WFDC3: variants seen among roughly 807,000 people sequenced by gnomAD.
The protein encoded by WFDC3 is WAP four-disulfide core domain protein 3.
Under a neutral mutation model 25.8 loss-of-function variants are expected in WFDC3, and 15 were observed. That is an observed-to-expected ratio of 0.58 (90% confidence interval 0.39 to 0.89). WFDC3 has a LOEUF of 0.89. WFDC3 is among the 40% of genes least tolerant of loss of function. The pLI is 0.00. For synonymous variants in WFDC3, 103 were observed against 107.1 expected (o/e 0.96, Z 0.24); for missense variants, 264 against 289.8 (o/e 0.91, Z 0.65).
chr20:45,775,023 C>G (rs1304290527), intron 6 of WFDC3, among the ~76,000 whole-genome samples: 1 of 152,096 alleles, frequency 6.6e-6, no homozygotes, highest in Non-Finnish European at 1.5e-5. Context: ...AAACATATCC[C>G]ACACATTCCC....
rs878887940 is a variant in WFDC3, at chr20:45,787,714, C to T, written c.358+122G>A. The T allele has an allele frequency of 2.6e-4, 263 of 1,025,510 alleles. 1 individual carries two copies. The South Asian group carries it at 3.2e-3, about 12-fold the overall frequency. The allele number at this position is 1,025,510 out of a possible 1,614,324, so 63.5% of individuals were successfully genotyped here. On this transcript the variant is annotated intron_variant, in intron 4 of 6. Transcript: ENST00000243938. ...TATGGCTTGTGCACCCTTTGTATAT[C>T]TTTTTTTTTTAAGGTCTTAGAATAT...
At chr20:45,777,006 C>CA (rs1980216495) in intron 5 of WFDC3, 69 bp downstream of exon 5, 1 of 1,607,558 alleles carries the variant, frequency 6.2e-7, no homozygotes, top group Admixed American at 1.7e-5. Flanking sequence ...TAGCTCCTCC[C>CA]AGGAAGGGAA....
At position 45,775,451 on chromosome 20, in the gene WFDC3, G is replaced by GGCAGAC; in HGVS notation, c.644_645insGTCTGC (p.Asn215delinsLysSerAla). On this transcript the variant is annotated protein_altering_variant, in exon 6 of 7. Coordinates refer to ENST00000243938, the MANE Select transcript of WFDC3 (RefSeq NM_080614.2). The stretch of plus-strand genomic sequence containing the variant: ...AATCAGACCTCACAGTCCAGTTGGG[G>GGCAGAC]TTCATGGTCAGTTTTGGGGGCAGGA... The GGCAGAC allele has an allele frequency of 6.2e-7, 1 of 1,614,224 alleles. No homozygotes were observed. The highest frequency in any genetic ancestry group is 8.5e-7 in the Non-Finnish European group (1 of 1,180,040).
chr20:45,784,245 TTCTC>T (rs1423622562), intron 4 of WFDC3, among the ~76,000 whole-genome samples: 1 of 152,190 alleles, frequency 6.6e-6, no homozygotes, highest in Non-Finnish European at 1.5e-5. Context: ...CAACCTTCCA[TTCTC>T]TCTAATGGGC....
At chr20:45,774,532 G>A in intron 6 of WFDC3, 88 bp from the exon 7 acceptor site, 1 of 1,582,896 alleles carries the variant, frequency 6.3e-7, no homozygotes, top group Non-Finnish European at 8.7e-7. Flanking sequence ...GGAAAGCTTG[G>A]CCTATATTGC....
At chr20:45,789,466 A>G (rs187551220) in intron 2 of WFDC3, among the ~76,000 whole-genome samples, 1 of 150,192 alleles carries the variant, frequency 6.7e-6, no homozygotes, top group East Asian at 2.0e-4. Flanking sequence ...AGATCACGCC[A>G]CTGCACTCCA....
In WFDC3 at chr20:45,788,705, G is replaced by A. The variant is rs1222720006; in HGVS notation, c.211+226C>T. The stretch of plus-strand genomic sequence containing the variant: ...CCTTCACAGGAACTTTGAGTCCAAA[G>A]TAAAAGACATAGATAATCAATGGTG... On this transcript the variant is annotated intron_variant, in intron 3 of 6. Transcript: ENST00000243938. The A allele has an allele frequency of 6.4e-6, 3 of 471,330 alleles. No homozygotes were observed. The East Asian group carries it at 1.2e-4, about 19-fold the overall frequency. 29.2% of individuals were successfully genotyped at this position (471,330 alleles called of 1,614,324 possible).
chr20:45,783,381 G>C (rs1004500176), intron 4 of WFDC3, among the ~76,000 whole-genome samples: 2 of 151,974 alleles, frequency 1.3e-5, no homozygotes, highest in Non-Finnish European at 2.9e-5. Flanking sequence ...AGGGAACTAA[G>C]GCAGAAGGAT....
Position 45,789,853 on chromosome 20 carries a change from T to C in WFDC3, c.82+41A>G, listed in dbSNP as rs1980867333. 3 of 1,582,750 alleles carry C rather than the reference T, an allele frequency of 1.9e-6. No homozygotes were observed. The East Asian group carries it at 6.7e-5, about 35-fold the overall frequency. ...ATGAGTTCTCCTCTCCTCTAGTCAC[T>C]TTCTGTTACTGTTGGCCAGGGATCC... On this transcript the variant is annotated intron_variant, in intron 2 of 6. Coordinates refer to ENST00000243938, the MANE Select transcript of WFDC3 (RefSeq NM_080614.2).
intron 4 of WFDC3, among the ~76,000 whole-genome samples, chr20:45,787,614 T>C (rs1456352428): frequency 1.3e-5 from 2 of 152,096 alleles, no homozygotes; most frequent in Non-Finnish European, 2.9e-5. Flanking sequence ...CAAAGCAGTC[T>C]GCAAATGAGG....
rs531966407 is a variant in WFDC3, at chr20:45,790,140, AG to A, written c.-7-159del. 9.5e-4 allele frequency: 541 copies of A among 570,934 alleles called. 6 individuals carry two copies. In the South Asian group the frequency reaches 0.012, roughly 12 times the overall value. The allele number at this position is 570,934 out of a possible 1,614,324, so 35.4% of individuals were successfully genotyped here. On this transcript the variant is annotated intron_variant, in intron 1 of 6. Transcript: ENST00000243938. ...AGAATATCTTCTCCTGACAAGAAGA[AG>A]AGGGATTGGCTGCTGGAGTGTGGGA...
intron 3 of WFDC3, chr20:45,788,301 T>C (rs1450746799): frequency 6.1e-6 from 1 of 165,084 alleles, no homozygotes; most frequent in East Asian, 1.7e-4. Flanking sequence ...CGAAACTCCG[T>C]CTCAAAAAAA....
chr20:45,788,739 C>T, intron 3 of WFDC3, 192 bp downstream of exon 3: 1 of 672,360 alleles, frequency 1.5e-6, no homozygotes, highest in South Asian at 2.5e-5. Flanking sequence ...TGCGCTCTTT[C>T]CTGATGGAAG....
At chr20:45,778,835 A>C (rs1980310400) in intron 4 of WFDC3, 1 of 143,536 alleles carries the variant, frequency 7.0e-6, no homozygotes, top group Non-Finnish European at 1.5e-5. Context: ...AAATAAATAA[A>C]TAATAAAATG....
At chr20:45,783,858 G>A (rs1389129934) in intron 4 of WFDC3, among the ~76,000 whole-genome samples, 2 of 152,178 alleles carry the variant, frequency 1.3e-5, no homozygotes, top group African/African-American at 4.8e-5. Flanking sequence ...TGGGTGAGTA[G>A]CCTAGCCCTC....
At chr20:45,786,779 T>C (rs760096287) in intron 4 of WFDC3, among the ~76,000 whole-genome samples, 2 of 152,040 alleles carry the variant, frequency 1.3e-5, no homozygotes, top group Non-Finnish European at 2.9e-5. Context: ...CCCCGCCGTG[T>C]GTGTACATAG....
Position 45,774,219 on chromosome 20 carries a change from C to T in WFDC3, c.*209G>A, listed in dbSNP as rs935476194. 1 of 644,868 alleles carries T rather than the reference C, an allele frequency of 1.6e-6. No homozygotes were observed. The highest frequency in any genetic ancestry group is 1.8e-5 in the African/African-American group (1 of 54,808). 39.9% of individuals were successfully genotyped at this position (644,868 alleles called of 1,614,324 possible). On this transcript the variant is annotated 3_prime_UTR_variant, in exon 7 of 7. Coordinates refer to ENST00000243938, the MANE Select transcript of WFDC3 (RefSeq NM_080614.2). ...AAATAGCACAAACAAGAGGTCAGCA[C>T]CAGCCTTTATCGGGAAAGAGAAGCA...
intron 5 of WFDC3, 147 bp from the exon 6 acceptor site, chr20:45,775,749 G>A (rs966713500): frequency 6.7e-6 from 7 of 1,043,278 alleles, no homozygotes; most frequent in African/African-American, 1.6e-5. Flanking sequence ...AAACCATGGC[G>A]CTGGAGGATC....
At chr20:45,783,235 G>A (rs1980527179) in intron 4 of WFDC3, among the ~76,000 whole-genome samples, 1 of 152,116 alleles carries the variant, frequency 6.6e-6, no homozygotes, top group Non-Finnish European at 1.5e-5. Context: ...GGCAGAGAAG[G>A]GGCGGACCAG....
Sources: gnomAD v4.1 joint callset for allele counts (sites outside exome capture counted in the v4.1 genomes callset) on GRCh38, gnomAD v4.1.1 for gene constraint, MANE v1.5 for transcripts, NCBI Gene and HGNC (gene_info 2026-07-23, HGNC 2026-07-21) for gene names.